The following AP1G1 variants were observed in gnomAD, a reference collection of about 807,000 sequenced individuals.
AP1G1 encodes adaptor related protein complex 1 subunit gamma 1.
AP1G1 carries 7 observed loss-of-function variants against 108.3 expected under a neutral mutation model. The observed-to-expected ratio is 0.06, with a 90% CI of 0.04 to 0.12. AP1G1 has a LOEUF of 0.12. Ranked by LOEUF, AP1G1 falls within the 10% of genes least tolerant of loss-of-function variation. The pLI is 1.00. For missense variants in AP1G1, 756 were observed against 1,010.7 expected, an observed-to-expected ratio of 0.75 and a Z score of 3.42; for synonymous variants, 379 against 353.5, an observed-to-expected ratio of 1.07 and a Z score of -0.81.
chr16:71,768,143 G>T lies in AP1G1; in HGVS notation c.642+1480C>A, dbSNP rs78310552. Among the ~76,000 whole-genome samples, 110 of 139,508 alleles carry T rather than the reference G, an allele frequency of 7.9e-4. 1 individual carries two copies. The highest frequency in any genetic ancestry group is 2.6e-3 in the African/African-American group (98 of 37,814). 91.5% of individuals were successfully genotyped at this position (139,508 alleles called of 152,430 possible). A position where few individuals can be genotyped will look rare whatever the true frequency, so the allele number is the denominator to read the frequency against. The stretch of plus-strand genomic sequence containing the variant: ...TACCCAAAGAACAGTCTTCTTCTGA[G>T]TCTAAAATTAAGTGGAGAAACAGAA... On this transcript the variant is annotated intron_variant, in intron 6 of 22. Transcript: ENST00000299980.
rs1021068947 is a variant in AP1G1, at chr16:71,730,761, C to T, written c.*2297G>A. ...AATCAATTCATATTCTACGCAGCAC[C>T]CTTTGTGTTAAGGCCATGATATTTT... On this transcript the variant is annotated 3_prime_UTR_variant, in exon 23 of 23. Transcript: ENST00000299980. The T allele has an allele frequency of 1.3e-5, 2 of 152,516 alleles. No homozygotes were observed. Among genetic ancestry groups the T allele is most frequent in the Non-Finnish European group, 2.9e-5 (2 of 68,028 alleles). The allele number at this position is 152,516 out of a possible 1,614,324, so 9.4% of individuals were successfully genotyped here.
chr16:71,739,095 G>A lies in AP1G1; in HGVS notation c.2115C>T (p.Pro705=), dbSNP rs745380006. 463 of 1,614,040 alleles carry A rather than the reference G, an allele frequency of 2.9e-4. No individual in the cohort carries two copies. The highest frequency in any genetic ancestry group is 2.2e-4 in the Non-Finnish European group (265 of 1,180,022). The change falls in exon 21 of 23, where the codon CCC becomes CCT. Residue 705 remains proline (P), a synonymous_variant. Transcript: ENST00000299980. ...CATTCTTACTGTATGCTGTGATGGAGGGGATGCCTGAGAAAGTACAGGAAG... is the reference window on the plus strand; with the variant it reads ...CATTCTTACTGTATGCTGTGATGGAAGGGATGCCTGAGAAAGTACAGGAAG... ...PLFNDIAAGI[P]SITAYSKNGL... is the part of the protein sequence containing the mutation.
chr16:71,808,365 G>A (rs958240844), intron 1 of AP1G1: 1 of 859,766 alleles, frequency 1.2e-6, no homozygotes, highest in Non-Finnish European at 1.5e-6. Context: ...ACCTGACACG[G>A]GTACAAGACA....
chr16:71,808,266 G>T, intron 1 of AP1G1: 1 of 971,124 alleles, frequency 1.0e-6, no homozygotes, highest in Non-Finnish European at 1.3e-6. Flanking sequence ...AGAGAGAGGC[G>T]AGGCCGATGT....
At chr16:71,773,877 C>T (rs546219604) in intron 3 of AP1G1, among the ~76,000 whole-genome samples, 1 of 150,078 alleles carries the variant, frequency 6.7e-6, no homozygotes, top group South Asian at 2.2e-4. Flanking sequence ...ATTCTTCTGC[C>T]TCAGCCTCTC....
Position 71,756,134 on chromosome 16 carries a change from G to A in AP1G1, c.1114C>T (p.Leu372=). The change falls in exon 12 of 23, where the codon CTG becomes TTG. Residue 372 remains leucine, a synonymous_variant. Coordinates refer to ENST00000299980, the MANE Select transcript of AP1G1 (RefSeq NM_001128.6). ...KRRAMELSFA[L]VNGNNIRGMM... is the part of the protein sequence containing the mutation. ...CCTCGGATATTATTCCCATTTACCA[G>A]GGCAAAACTCAATTCCATTGCACGC... 2 of 1,611,770 alleles carry A rather than the reference G, an allele frequency of 1.2e-6. No homozygotes were observed. The highest frequency in any genetic ancestry group is 1.7e-6 in the Non-Finnish European group (2 of 1,179,148).
At chr16:71,757,324 G>A (rs1326994460) in intron 11 of AP1G1, among the ~76,000 whole-genome samples, 1 of 151,894 alleles carries the variant, frequency 6.6e-6, no homozygotes, top group East Asian at 1.9e-4. Context: ...GGTGGCAGGC[G>A]CCTGTAATCC....
At chr16:71,780,000 T>G (rs549764702) in intron 2 of AP1G1, among the ~76,000 whole-genome samples, 84 of 150,404 alleles carry the variant, frequency 5.6e-4, no homozygotes, top group Non-Finnish European at 8.6e-4. Context: ...TTTTTGTTTT[T>G]TTTTTTTTTT....
At chr16:71,801,670 T>C (rs1408742535) in intron 1 of AP1G1, among the ~76,000 whole-genome samples, 1 of 152,146 alleles carries the variant, frequency 6.6e-6, no homozygotes, top group Non-Finnish European at 1.5e-5. Flanking sequence ...TCACGCCTGT[T>C]ATCCCAGCAG....
chr16:71,750,142 A>C, intron 14 of AP1G1, 68 bp downstream of exon 14: 1 of 1,583,706 alleles, frequency 6.3e-7, no homozygotes, highest in Non-Finnish European at 8.6e-7. Context: ...GGGAAAAAAA[A>C]GAAGAAAAAC....
chr16:71,778,528 A>C (rs1170104902), intron 2 of AP1G1, among the ~76,000 whole-genome samples: 1 of 152,044 alleles, frequency 6.6e-6, no homozygotes, highest in Non-Finnish European at 1.5e-5. Flanking sequence ...ACTGAAATAC[A>C]AAAAATTAGC....
chr16:71,785,012 T>A (rs1296155755), intron 2 of AP1G1, among the ~76,000 whole-genome samples: 3 of 150,728 alleles, frequency 2.0e-5, no homozygotes, highest in Non-Finnish European at 2.9e-5. Flanking sequence ...TTTAATAATA[T>A]TCTTTAATCA....
intron 1 of AP1G1, among the ~76,000 whole-genome samples, chr16:71,797,128 TA>T (rs770346972): frequency 2.7e-5 from 4 of 150,282 alleles, no homozygotes; most frequent in Admixed American, 6.6e-5. Flanking sequence ...ACTAATGAAA[TA>T]AAAAAAAATT....
At chr16:71,782,684 C>T (rs2032069089) in intron 2 of AP1G1, among the ~76,000 whole-genome samples, 1 of 152,002 alleles carries the variant, frequency 6.6e-6, no homozygotes, top group African/African-American at 2.4e-5. Context: ...GACAGGGTTT[C>T]ATCATGTTGG....
chr16:71,783,396 A>G (rs566751854), intron 2 of AP1G1, among the ~76,000 whole-genome samples: 1 of 152,094 alleles, frequency 6.6e-6, no homozygotes, highest in African/African-American at 2.4e-5. Flanking sequence ...ATTAAAAATC[A>G]ATTATATCAC....
At position 71,788,262 on chromosome 16, in the gene AP1G1, G is replaced by C. The variant is rs376975898; in HGVS notation, c.201+1017C>G. 7.2e-5 allele frequency among the ~76,000 whole-genome samples: 11 copies of C among 152,212 alleles called. No homozygotes were observed. In the East Asian group the frequency reaches 1.7e-3, roughly 24 times the overall value. On this transcript the variant is annotated intron_variant, in intron 2 of 22. Coordinates refer to ENST00000299980, the MANE Select transcript of AP1G1 (RefSeq NM_001128.6). ...ATTCTTTCTTTCAGTTGGGCAGTCT[G>C]TTCCTTAGAGAGACTATTTAGCATA...
intron 1 of AP1G1, among the ~76,000 whole-genome samples, chr16:71,805,544 CTCTAAG>C (rs1436520505): frequency 6.6e-6 from 1 of 152,086 alleles, no homozygotes; most frequent in African/African-American, 2.4e-5. Flanking sequence ...TGTTCTGAAG[CTCTAAG>C]TAAGAGTTTT....
rs753953173 is a variant in AP1G1 at position 71,806,738 on chromosome 16, A to G, written c.-4+2025T>C. ...CAGTGTTTGACAGTTCCTTTAAACC[A>G]AAAGAGAAAATTCCATTGCTTCAGG... is the stretch of plus-strand genomic sequence containing the variant. On this transcript the variant is annotated intron_variant, in intron 1 of 22. Coordinates refer to ENST00000299980, the MANE Select transcript of AP1G1 (RefSeq NM_001128.6). The G allele has an allele frequency of 1.1e-5, 14 of 1,286,112 alleles. No homozygotes were observed. The Middle Eastern group carries it at 6.4e-4, about 59-fold the overall frequency. 79.7% of individuals were successfully genotyped at this position (1,286,112 alleles called of 1,614,324 possible).
intron 19 of AP1G1, among the ~76,000 whole-genome samples, chr16:71,740,156 T>C (rs1053372943): frequency 6.6e-6 from 1 of 152,220 alleles, no homozygotes; most frequent in East Asian, 1.9e-4. Flanking sequence ...ACAGTAGAGT[T>C]GAACATCAGT....
Sources: allele counts gnomAD v4.1 joint callset (sites outside exome capture counted in the v4.1 genomes callset), GRCh38; gene constraint gnomAD v4.1.1; transcripts MANE v1.5; gene names NCBI Gene and HGNC (gene_info 2026-07-23, HGNC 2026-07-21).